The following CTTNBP2NL variants were observed in gnomAD, a reference collection of about 807,000 sequenced individuals.
The protein encoded by CTTNBP2NL is CTTNBP2 N-terminal-like protein.
CTTNBP2NL carries 16 observed loss-of-function variants against 32.5 expected under a neutral mutation model. That is an observed-to-expected ratio of 0.49 (90% CI 0.33 to 0.75). The LOEUF (loss-of-function observed/expected upper bound fraction) is 0.75. Ranked by LOEUF, CTTNBP2NL falls within the 30% of genes least tolerant of loss-of-function variation. The pLI is 0.02. For synonymous variants in CTTNBP2NL, 298 were observed against 289.4 expected (o/e 1.03, Z -0.30); for missense variants, 645 against 756.0 (o/e 0.85, Z 1.72).
intron 1 of CTTNBP2NL, among the ~76,000 whole-genome samples, chr1:112,401,811 G>A (rs2492509): frequency 0.46 from 70,414 of 151,962 alleles, 17,999 homozygotes; most frequent in African/African-American, 0.68. Context: ...TCCAAACTCT[G>A]CATTTCAGGT....
chr1:112,406,341 A>C lies in CTTNBP2NL; in HGVS notation c.-133-5853A>C, dbSNP rs72983841. 3.1e-3 allele frequency among the ~76,000 whole-genome samples: 473 copies of C among 152,306 alleles called. 1 individual carries two copies. The highest frequency in any genetic ancestry group is 0.011 in the African/African-American group (454 of 41,566). On this transcript the variant is annotated intron_variant, in intron 1 of 5. Transcript: ENST00000271277. ...ATCGTTGTTTAGCTGAGGTTTTTCC[A>C]CCATACAATTCCTAAGGCTGATAAA...
chr1:112,418,291 A>G lies in CTTNBP2NL; in HGVS notation c.99+2027A>G, dbSNP rs376889454. On this transcript the variant is annotated intron_variant, in intron 3 of 5. Coordinates refer to ENST00000271277, the MANE Select transcript of CTTNBP2NL (RefSeq NM_018704.3). ...AGAATTGTAAAAGAGCTACATTCCT[A>G]TTCCAAAATTTCTGCAAAGTGCCAG... Among the ~76,000 whole-genome samples, 65 of 152,242 alleles carry G rather than the reference A, an allele frequency of 4.3e-4. 3 individuals are homozygous for G. In the South Asian group the frequency reaches 0.013, roughly 31 times the overall value.
At chr1:112,406,198 G>A (rs886926463) in intron 1 of CTTNBP2NL, among the ~76,000 whole-genome samples, 3 of 151,434 alleles carry the variant, frequency 2.0e-5, no homozygotes, top group Admixed American at 1.3e-4. Context: ...AAAAAAAAAC[G>A]TGTGCTAGAC....
At position 112,438,600 on chromosome 1, in the gene CTTNBP2NL, A is replaced by G. The variant is rs766660241; in HGVS notation, c.100-10342A>G. On this transcript the variant is annotated intron_variant, in intron 3 of 5. Coordinates refer to ENST00000271277, the MANE Select transcript of CTTNBP2NL (RefSeq NM_018704.3). ...CTGATTGCCCTGGCCAGGACTTCCA[A>G]TAGGAGTGGTGAGAGAGGGCATCCT... Among the ~76,000 whole-genome samples, 4 of 152,070 alleles carry G rather than the reference A, an allele frequency of 2.6e-5. 1 individual carries two copies. Among genetic ancestry groups the G allele is most frequent in the Non-Finnish European group, 5.9e-5 (4 of 68,028 alleles).
chr1:112,433,436 T>C (rs2101018144), intron 3 of CTTNBP2NL, among the ~76,000 whole-genome samples: 1 of 152,176 alleles, frequency 6.6e-6, no homozygotes, highest in East Asian at 1.9e-4. Context: ...TCTACTAAAA[T>C]ACAACAATTA....
chr1:112,407,692 C>A (rs1201424276), intron 1 of CTTNBP2NL, among the ~76,000 whole-genome samples: 1 of 152,018 alleles, frequency 6.6e-6, no homozygotes, highest in African/African-American at 2.4e-5. Flanking sequence ...TCCAAATATT[C>A]CAGTAATATC....
chr1:112,438,712 T>C (rs1324324163), intron 3 of CTTNBP2NL, among the ~76,000 whole-genome samples: 1 of 152,172 alleles, frequency 6.6e-6, no homozygotes, highest in African/African-American at 2.4e-5. Context: ...ATACTTCTGT[T>C]ATGAACAGAA....
chr1:112,441,818 GCTTTT>G (rs1330137515), intron 3 of CTTNBP2NL, among the ~76,000 whole-genome samples: 1 of 151,956 alleles, frequency 6.6e-6, no homozygotes, highest in African/African-American at 2.4e-5. Flanking sequence ...TTCTTCATAT[GCTTTT>G]CCCTATTGCA....
intron 3 of CTTNBP2NL, among the ~76,000 whole-genome samples, chr1:112,416,572 A>G (rs1169591702): frequency 2.0e-5 from 3 of 150,720 alleles, no homozygotes; most frequent in Non-Finnish European, 2.9e-5. Flanking sequence ...ATCTCGGCTC[A>G]CTGCAACTTC....
At chr1:112,424,173 T>C (rs551384915) in intron 3 of CTTNBP2NL, among the ~76,000 whole-genome samples, 10 of 152,366 alleles carry the variant, frequency 6.6e-5, no homozygotes, top group African/African-American at 2.2e-4. Flanking sequence ...GTTTTACACT[T>C]AAGTCTATGA....
chr1:112,432,864 A>C (rs747996985), intron 3 of CTTNBP2NL, among the ~76,000 whole-genome samples: 1 of 151,132 alleles, frequency 6.6e-6, no homozygotes, highest in Non-Finnish European at 1.5e-5. Flanking sequence ...ATTCCTCATT[A>C]CTCATTTGCC....
At chr1:112,422,145 C>G (rs1649250988) in intron 3 of CTTNBP2NL, among the ~76,000 whole-genome samples, 1 of 152,170 alleles carries the variant, frequency 6.6e-6, no homozygotes, top group Non-Finnish European at 1.5e-5. Context: ...TTCCCCACTA[C>G]TCTCTGCCCC....
chr1:112,429,666 A>G (rs1038760116), intron 3 of CTTNBP2NL, among the ~76,000 whole-genome samples: 6 of 152,236 alleles, frequency 3.9e-5, no homozygotes, highest in Non-Finnish European at 8.8e-5. Context: ...CCATTGCAGC[A>G]TAATTCATAG....
chr1:112,417,809 A>G (rs907524960), intron 3 of CTTNBP2NL, among the ~76,000 whole-genome samples: 2 of 152,178 alleles, frequency 1.3e-5, no homozygotes, highest in African/African-American at 4.8e-5. Flanking sequence ...TTTAAACTGA[A>G]GTATCATTTT....
chr1:112,440,230 ATGTGT>A (rs1649858326), intron 3 of CTTNBP2NL, among the ~76,000 whole-genome samples: 2 of 152,200 alleles, frequency 1.3e-5, no homozygotes, highest in South Asian at 4.1e-4. Flanking sequence ...TAACACAGAG[ATGTGT>A]TGTGTTGTTT....
chr1:112,421,746 T>C (rs1296964240), intron 3 of CTTNBP2NL, among the ~76,000 whole-genome samples: 1 of 152,054 alleles, frequency 6.6e-6, no homozygotes, highest in Non-Finnish European at 1.5e-5. Context: ...GAATTGACAG[T>C]TTTGAGGTGA....
At position 112,461,017 on chromosome 1, in the gene CTTNBP2NL, G is replaced by C. The variant is rs988261104; in HGVS notation, c.*3605G>C. On this transcript the variant is annotated 3_prime_UTR_variant, in exon 6 of 6. Transcript: ENST00000271277. ...TCAAAATAGGATGTGTTTTCCTAAT[G>C]AATCAGAAGTGGGCAATGAGCATTG... 2.0e-5 allele frequency: 3 copies of C among 152,100 alleles called. No homozygotes were observed. The highest frequency in any genetic ancestry group is 7.2e-5 in the African/African-American group (3 of 41,422). 9.4% of individuals were successfully genotyped at this position (152,100 alleles called of 1,614,324 possible).
chr1:112,407,840 CTTTTTTTTTTT>C (rs869134559), intron 1 of CTTNBP2NL, among the ~76,000 whole-genome samples: 2 of 96,070 alleles, frequency 2.1e-5, no homozygotes, highest in Admixed American at 1.4e-4. Context: ...TTTTTTCTTT[CTTTTTTTTTTT>C]TTTTTTTTTT....
chr1:112,443,807 A>G (rs923566230), intron 3 of CTTNBP2NL, among the ~76,000 whole-genome samples: 2 of 152,216 alleles, frequency 1.3e-5, no homozygotes, highest in Admixed American at 1.3e-4. Flanking sequence ...ATTATAAAGG[A>G]ACTTCCAGAA....
Sources: allele counts gnomAD v4.1 joint callset (sites outside exome capture counted in the v4.1 genomes callset), GRCh38; gene constraint gnomAD v4.1.1; transcripts MANE v1.5; gene names NCBI Gene and HGNC (gene_info 2026-07-23, HGNC 2026-07-21).